The following PCDHGB5 variants were observed in gnomAD, a reference collection of about 807,000 sequenced individuals.
PCDHGB5 encodes protocadherin gamma subfamily B, 5.
PCDHGB5 carries 48 observed loss-of-function variants against 62.9 expected under a neutral mutation model. That is an observed-to-expected ratio of 0.76 (90% CI 0.61 to 0.97). PCDHGB5 has a LOEUF of 0.97. Ranked by LOEUF, PCDHGB5 falls within the 50% of genes least tolerant of loss-of-function variation. The pLI, the probability that PCDHGB5 is intolerant of heterozygous loss-of-function variation, is 0.00. For synonymous variants in PCDHGB5, 474 were observed against 511.2 expected, an observed-to-expected ratio of 0.93 and a Z score of 0.98; for missense variants, 1,118 against 1,198.6, an observed-to-expected ratio of 0.93 and a Z score of 0.99.
chr5:141,474,967 T>G (rs745581213), intron 1 of PCDHGB5, among the ~76,000 whole-genome samples: 6 of 152,252 alleles, frequency 3.9e-5, no homozygotes, highest in Non-Finnish European at 7.3e-5. Context: ...TCCTAATCAT[T>G]ATAATTTTGT....
intron 1 of PCDHGB5, among the ~76,000 whole-genome samples, chr5:141,481,171 C>G (rs927813327): frequency 6.6e-6 from 1 of 152,120 alleles, no homozygotes; most frequent in African/African-American, 2.4e-5. Flanking sequence ...AACCAGAATC[C>G]AGCTTTATTG....
chr5:141,489,042 A>T lies in PCDHGB5; in HGVS notation c.2398-5765A>T. On this transcript the variant is annotated intron_variant, in intron 1 of 3. Coordinates refer to ENST00000617380, the MANE Select transcript of PCDHGB5 (RefSeq NM_018925.3). This position sits in a 1 kb window ranked among gnomAD's most constrained non-coding sequence, Gnocchi z 4.5. ...TCTCCTCCTCCAGCTCCCCAGCTCCACTCAAATTCAGCTCCCCTCCCCCCT... is the reference window on the plus strand; with the variant it reads ...TCTCCTCCTCCAGCTCCCCAGCTCCTCTCAAATTCAGCTCCCCTCCCCCCT... The T allele has an allele frequency of 4.2e-6, 2 of 473,800 alleles. No individual in the cohort carries two copies. The highest frequency in any genetic ancestry group is 3.7e-6 in the Non-Finnish European group (1 of 270,920). 29.3% of individuals were successfully genotyped at this position (473,800 alleles called of 1,614,324 possible).
intron 1 of PCDHGB5, chr5:141,403,422 C>G: frequency 6.2e-7 from 1 of 1,614,030 alleles, no homozygotes; most frequent in Non-Finnish European, 8.5e-7. Flanking sequence ...CTTCCAGAAG[C>G]TATTGATCCG....
At chr5:141,465,488 G>A (rs2099104080) in intron 1 of PCDHGB5, among the ~76,000 whole-genome samples, 1 of 152,224 alleles carries the variant, frequency 6.6e-6, no homozygotes. Flanking sequence ...AGAGGAATGA[G>A]CGGGAGCATT....
intron 1 of PCDHGB5, among the ~76,000 whole-genome samples, chr5:141,437,919 G>A (rs2097917914): frequency 1.3e-5 from 2 of 152,078 alleles, no homozygotes; most frequent in Admixed American, 1.3e-4. Context: ...TGTATTTTTA[G>A]TAGAGATGGG....
At chr5:141,473,623 A>T (rs186624707) in intron 1 of PCDHGB5, among the ~76,000 whole-genome samples, 8 of 152,280 alleles carry the variant, frequency 5.3e-5, no homozygotes, top group Non-Finnish European at 1.5e-5. Flanking sequence ...GAGGGAGGAA[A>T]AAGCAGCTTT....
At chr5:141,405,049 C>A in intron 1 of PCDHGB5, 2 of 1,613,936 alleles carry the variant, frequency 1.2e-6, no homozygotes, top group South Asian at 2.2e-5. Flanking sequence ...CTGTGGCAGT[C>A]GTCTCCTGTG....
chr5:141,491,316 T>C lies in PCDHGB5; in HGVS notation c.2398-3491T>C. The C allele has an allele frequency of 3.1e-6, 5 of 1,614,176 alleles. No homozygotes were observed. The highest frequency in any genetic ancestry group is 3.4e-6 in the Non-Finnish European group (4 of 1,180,004). ...CTCCTGAGCGTTCAGACCTTACCCT[T>C]TACCTCATTGTGGCTCTAGCGACCG... is the stretch of plus-strand genomic sequence containing the variant. On this transcript the variant is annotated intron_variant, in intron 1 of 3. Coordinates refer to ENST00000617380, the MANE Select transcript of PCDHGB5 (RefSeq NM_018925.3). The surrounding 1 kb of genome is among the most constrained non-coding windows in gnomAD (Gnocchi z 6.9).
At chr5:141,412,906 T>G in intron 1 of PCDHGB5, 1 of 384,208 alleles carries the variant, frequency 2.6e-6, no homozygotes, top group Non-Finnish European at 4.6e-6. Context: ...TTCCATTGCA[T>G]GTATCACTTG....
intron 1 of PCDHGB5, among the ~76,000 whole-genome samples, chr5:141,406,925 G>A (rs1003832711): frequency 2.0e-5 from 3 of 152,268 alleles, no homozygotes; most frequent in African/African-American, 7.2e-5. Flanking sequence ...AGAGAATAAT[G>A]TATTATTTAA....
intron 1 of PCDHGB5, chr5:141,414,141 A>T (rs1162904324): frequency 1.3e-6 from 2 of 1,597,216 alleles, no homozygotes; most frequent in East Asian, 2.3e-5. Context: ...ATGAAATAGA[A>T]ATACAAGCAG....
Position 141,505,388 on chromosome 5 carries a change from C to T in PCDHGB5, c.2457-5C>T, listed in dbSNP as rs756505223. ...TCTGTGCTCACCATCCTACTCTCTCCCCAGCTCCCAAAATGGCGATGACAC... is the reference window on the plus strand; with the variant it reads ...TCTGTGCTCACCATCCTACTCTCTCTCCAGCTCCCAAAATGGCGATGACAC... On this transcript the variant is annotated splice_polypyrimidine_tract_variant and splice_region_variant and intron_variant, in intron 2 of 3. Transcript: ENST00000617380. The T allele has an allele frequency of 6.2e-7, 1 of 1,613,972 alleles. No homozygotes were observed. The highest frequency in any genetic ancestry group is 2.2e-5 in the East Asian group (1 of 44,886).
intron 1 of PCDHGB5, among the ~76,000 whole-genome samples, chr5:141,446,128 G>A (rs1242643475): frequency 3.3e-5 from 5 of 152,188 alleles, no homozygotes; most frequent in Non-Finnish European, 7.3e-5. Flanking sequence ...GGTTCAATAA[G>A]ACTTAATAAT....
Position 141,462,050 on chromosome 5 carries a change from C to T in PCDHGB5, c.2398-32757C>T, listed in dbSNP as rs146056741. On this transcript the variant is annotated intron_variant, in intron 1 of 3. Coordinates refer to ENST00000617380, the MANE Select transcript of PCDHGB5 (RefSeq NM_018925.3). ...GTTGGTCAGGCGGGTCTTGAACTCC[C>T]GACCTCAGGTGATCTGCCCGCCTTG... is the stretch of plus-strand genomic sequence containing the variant. 5.5e-3 allele frequency among the ~76,000 whole-genome samples: 830 copies of T among 151,978 alleles called. 23 individuals are homozygous for T. The East Asian group carries it at 0.095, about 17-fold the overall frequency.
chr5:141,478,376 C>T, intron 1 of PCDHGB5: 4 of 1,613,672 alleles, frequency 2.5e-6, no homozygotes, highest in Non-Finnish European at 3.4e-6. Flanking sequence ...CCTGATGTCG[C>T]CGCACCTTTA....
Position 141,443,253 on chromosome 5 carries a change from G to A in PCDHGB5, c.2397+42729G>A, listed in dbSNP as rs192939862. 1.8e-4 allele frequency among the ~76,000 whole-genome samples: 28 copies of A among 152,214 alleles called. No individual in the cohort carries two copies. The Middle Eastern group carries it at 0.014, about 74-fold the overall frequency. On this transcript the variant is annotated intron_variant, in intron 1 of 3. Transcript: ENST00000617380. Reference sequence around the variant, plus strand: ...CTTAGCACTTTGGGGCGCCAAGGCGGGTGGATCACTTGAGCCCAGGAGTTT... The same window carrying A: ...CTTAGCACTTTGGGGCGCCAAGGCGAGTGGATCACTTGAGCCCAGGAGTTT...
intron 1 of PCDHGB5, among the ~76,000 whole-genome samples, chr5:141,456,911 C>T (rs1262649726): frequency 2.0e-5 from 3 of 151,928 alleles, no homozygotes; most frequent in Non-Finnish European, 4.4e-5. Flanking sequence ...TGCAGTGAGC[C>T]GAGATCGCAC....
In PCDHGB5 at chr5:141,430,181, T is replaced by A. The variant is rs561671481; in HGVS notation, c.2397+29657T>A. ...TCTATTTAAAAATATTTTCCCCAAA[T>A]TATAGCTGAATCAGAAAGTTTAAAT... On this transcript the variant is annotated intron_variant, in intron 1 of 3. Transcript: ENST00000617380. 2.0e-5 allele frequency among the ~76,000 whole-genome samples: 3 copies of A among 152,252 alleles called. No homozygotes were observed. The South Asian group carries it at 6.2e-4, about 32-fold the overall frequency.
intron 1 of PCDHGB5, chr5:141,478,777 C>T: frequency 6.7e-7 from 1 of 1,488,806 alleles, no homozygotes. Context: ...CATCTGTGGA[C>T]CTAATTCACA....
Sources: allele counts gnomAD v4.1 joint callset (sites outside exome capture counted in the v4.1 genomes callset), GRCh38; gene constraint gnomAD v4.1.1; non-coding constraint Gnocchi (gnomAD v3.1); transcripts MANE v1.5; gene names NCBI Gene and HGNC (gene_info 2026-07-23, HGNC 2026-07-21).